Variants in AK7 observed in about 807,000 individuals in gnomAD.
The protein encoded by AK7 is ATP-AMP transphosphorylase 7.
In AK7, 78 loss-of-function variants were observed where a neutral mutation model predicts 96.6. The observed-to-expected ratio is 0.81, with a 90% CI of 0.67 to 0.97. The LOEUF is 0.97. Among genes scored for constraint, AK7 ranks in the 50% least tolerant of loss-of-function variants. The pLI is 0.00. For missense variants in AK7, 855 were observed against 887.9 expected (o/e 0.96, Z 0.47); for synonymous variants, 302 against 317.2 (o/e 0.95, Z 0.51).
intron 5 of AK7, among the ~76,000 whole-genome samples, chr14:96,432,558 A>G (rs1892411719): frequency 6.6e-6 from 1 of 152,044 alleles, no homozygotes; most frequent in African/African-American, 2.4e-5. Flanking sequence ...GGCTTCCTTG[A>G]GCCCTTGTAA....
chr14:96,408,901 C>T lies in AK7; in HGVS notation c.458C>T (p.Ser153Leu), dbSNP rs774815872. The T allele has an allele frequency of 3.0e-5, 48 of 1,614,054 alleles. No individual in the cohort carries two copies. Among genetic ancestry groups the T allele is most frequent in the South Asian group, 5.5e-5 (5 of 91,082 alleles). ...AAGCGAAAGCTATTTATTTTACTGT[C>T]GACGGTGATGACTTGGGCGCGCTCC... ...FEKRKLFILL[S>L]TVMTWARSKA... The change falls in exon 4 of 18, where the codon TCG (serine) becomes TTG (leucine). Residue 153 changes from serine to leucine, a missense_variant. Physicochemically the swap from Ser to Leu is moderately radical, Grantham distance 145. Transcript: ENST00000267584.
At chr14:96,447,379 A>C (rs1464656178) in intron 8 of AK7, among the ~76,000 whole-genome samples, 29 of 152,150 alleles carry the variant, frequency 1.9e-4, no homozygotes, top group Non-Finnish European at 1.5e-4. Context: ...CCGTGGTGTG[A>C]TCATAGCTCA....
At chr14:96,481,000 T>C (rs1423495678) in intron 15 of AK7, among the ~76,000 whole-genome samples, 2 of 152,222 alleles carry the variant, frequency 1.3e-5, no homozygotes, top group Admixed American at 1.3e-4. Context: ...AGTGTCTCTT[T>C]GTCCTCTCTT....
At chr14:96,442,602 C>A in intron 6 of AK7, 128 bp from the exon 7 acceptor site, 1 of 755,060 alleles carries the variant, frequency 1.3e-6, no homozygotes, top group South Asian at 1.5e-5. Context: ...TATAAAACAC[C>A]CCCTAGAGGA....
At chr14:96,470,479 T>C (rs1178177144) in intron 12 of AK7, among the ~76,000 whole-genome samples, 1 of 152,122 alleles carries the variant, frequency 6.6e-6, no homozygotes, top group African/African-American at 2.4e-5. Flanking sequence ...GAGTGATGGA[T>C]ATTGTGGTGG....
intron 2 of AK7, among the ~76,000 whole-genome samples, chr14:96,400,513 G>A (rs999863640): frequency 3.3e-5 from 5 of 152,296 alleles, no homozygotes; most frequent in South Asian, 2.1e-4. Flanking sequence ...AAGTGGAACC[G>A]GCTTCAGAGC....
intron 6 of AK7, among the ~76,000 whole-genome samples, chr14:96,440,262 C>T (rs1892892989): frequency 2.0e-5 from 3 of 152,292 alleles, no homozygotes; most frequent in South Asian, 4.1e-4. Flanking sequence ...CGTGAGCCAC[C>T]GTGCCCGGCC....
chr14:96,424,521 T>G (rs1273557425), intron 5 of AK7, among the ~76,000 whole-genome samples: 1 of 152,168 alleles, frequency 6.6e-6, no homozygotes, highest in Non-Finnish European at 1.5e-5. Flanking sequence ...TCTGAAAGTG[T>G]CATTACATTG....
intron 5 of AK7, among the ~76,000 whole-genome samples, chr14:96,432,202 C>CTTTTTTTTTTTTTTTTT (rs71103525): frequency 3.0e-5 from 3 of 101,192 alleles, no homozygotes; most frequent in Admixed American, 1.2e-4. Context: ...GCAACCCCTG[C>CTTTTTTTTTTTTTTTTT]TTTTTTTTTT....
At chr14:96,449,684 T>A in intron 8 of AK7, 118 bp from the exon 9 acceptor site, 2 of 679,034 alleles carry the variant, frequency 2.9e-6, no homozygotes, top group Non-Finnish European at 2.6e-6. Flanking sequence ...TCCGCCCACC[T>A]TGGCCTCCCA....
At chr14:96,471,348 A>G in intron 12 of AK7, 130 bp from the exon 13 acceptor site, 1 of 473,336 alleles carries the variant, frequency 2.1e-6, no homozygotes, top group East Asian at 4.3e-5. Context: ...AAAAAAAAAA[A>G]AAAAAAGCAA....
At chr14:96,418,398 G>A (rs1891478727) in intron 4 of AK7, among the ~76,000 whole-genome samples, 1 of 149,634 alleles carries the variant, frequency 6.7e-6, no homozygotes, top group African/African-American at 2.5e-5. Flanking sequence ...TCCTCAGTGT[G>A]GCTCAGAAAC....
At chr14:96,428,048 T>C (rs1892131805) in intron 5 of AK7, among the ~76,000 whole-genome samples, 1 of 152,156 alleles carries the variant, frequency 6.6e-6, no homozygotes, top group Non-Finnish European at 1.5e-5. Context: ...TGTCCCATGT[T>C]GGTTTGCTGC....
At chr14:96,429,414 CT>C (rs1892214229) in intron 5 of AK7, among the ~76,000 whole-genome samples, 2 of 152,150 alleles carry the variant, frequency 1.3e-5, no homozygotes, top group African/African-American at 4.8e-5. Flanking sequence ...CAGCTTTGTT[CT>C]TTTTGCTTAC....
intron 12 of AK7, among the ~76,000 whole-genome samples, chr14:96,469,960 G>A (rs1251441071): frequency 6.6e-6 from 1 of 152,058 alleles, no homozygotes; most frequent in Non-Finnish European, 1.5e-5. Flanking sequence ...TGGGATTACA[G>A]GCATGTGCCA....
intron 12 of AK7, among the ~76,000 whole-genome samples, chr14:96,459,595 C>T (rs572065009): frequency 2.2e-4 from 33 of 151,946 alleles, no homozygotes; most frequent in East Asian, 1.9e-4. Flanking sequence ...CACGGTGGCT[C>T]ATGTCTGTAA....
At chr14:96,452,456 C>T (rs11160340) in intron 10 of AK7, among the ~76,000 whole-genome samples, 23,404 of 148,640 alleles carry the variant, frequency 0.16, 2,477 homozygotes, top group East Asian at 0.49. Context: ...CTGAGTAGTA[C>T]CTGAGATTAC....
intron 4 of AK7, 40 bp downstream of exon 4, chr14:96,408,981 C>T (rs375450849): frequency 2.2e-4 from 351 of 1,592,632 alleles, no homozygotes; most frequent in Admixed American, 6.9e-4. Context: ...AACATTTCAG[C>T]CATAACACCT....
chr14:96,409,256 C>T (rs943444474), intron 4 of AK7, among the ~76,000 whole-genome samples: 1 of 152,092 alleles, frequency 6.6e-6, no homozygotes, highest in Non-Finnish European at 1.5e-5. Context: ...ATTTTTGTCA[C>T]GTAAATTCTT....
Sources: allele counts gnomAD v4.1 joint callset (sites outside exome capture counted in the v4.1 genomes callset), GRCh38; gene constraint gnomAD v4.1.1; transcripts MANE v1.5; gene names NCBI Gene and HGNC (gene_info 2026-07-23, HGNC 2026-07-21).